TES: variants seen among roughly 807,000 people sequenced by gnomAD.
TES encodes the protein testin LIM domain protein.
TES carries 41 observed loss-of-function variants against 48.2 expected under a neutral mutation model. The observed-to-expected ratio is 0.85, with a 90% CI of 0.66 to 1.10. The LOEUF (loss-of-function observed/expected upper bound fraction) is 1.10. TES is among the 50% of genes least tolerant of loss of function. The pLI, the probability that TES is intolerant of heterozygous loss-of-function variation, is 0.00. For missense variants in TES, 463 were observed against 515.1 expected (o/e 0.90, Z 0.98); for synonymous variants, 162 against 174.9 (o/e 0.93, Z 0.58).
intron 2 of TES, among the ~76,000 whole-genome samples, chr7:116,237,576 A>G (rs1799788088): frequency 6.6e-6 from 1 of 151,808 alleles, no homozygotes. Context: ...GGAAAACCCT[A>G]CCTCCCACCA....
At chr7:116,248,879 A>C in intron 2 of TES, 141 bp from the exon 3 acceptor site, 2 of 775,944 alleles carry the variant, frequency 2.6e-6, no homozygotes, top group Non-Finnish European at 3.9e-6. Flanking sequence ...ATGGATACTT[A>C]TTCTCCCTCC....
At chr7:116,234,708 C>A in intron 2 of TES, 89 bp downstream of exon 2, 2 of 1,071,448 alleles carry the variant, frequency 1.9e-6, no homozygotes, top group Non-Finnish European at 2.9e-6. Flanking sequence ...AGTTCTCCAG[C>A]ATGGTTGCTA....
Position 116,210,595 on chromosome 7 carries a change from G to T in TES, c.-113G>T, listed in dbSNP as rs1034679438. ...GGCGCCGGGCGAGTGGCTGTTGAGC[G>T]GCGCCGCGGGAGTTCCGCAGGTTTC... On this transcript the variant is annotated 5_prime_UTR_variant, in exon 1 of 7. Coordinates refer to ENST00000358204, the MANE Select transcript of TES (RefSeq NM_015641.4). 4.6e-5 allele frequency: 54 copies of T among 1,165,026 alleles called. No homozygotes were observed. Among genetic ancestry groups the T allele is most frequent in the Non-Finnish European group, 5.5e-5 (50 of 908,654 alleles). The allele number at this position is 1,165,026 out of a possible 1,614,324, so 72.2% of individuals were successfully genotyped here. A position where few individuals can be genotyped will look rare whatever the true frequency, so the allele number is the denominator to read the frequency against.
chr7:116,216,662 T>C (rs149748891), intron 1 of TES, among the ~76,000 whole-genome samples: 1 of 152,292 alleles, frequency 6.6e-6, no homozygotes, highest in African/African-American at 2.4e-5. Flanking sequence ...GAAGAACCTA[T>C]AGATTGAACC....
intron 6 of TES, among the ~76,000 whole-genome samples, chr7:116,254,803 C>T (rs1800073498): frequency 7.3e-6 from 1 of 136,440 alleles, no homozygotes; most frequent in South Asian, 2.5e-4. Context: ...TGTGTAGCAT[C>T]ATTTCTTTTA....
chr7:116,254,655 G>C (rs1800067851), intron 6 of TES, among the ~76,000 whole-genome samples: 2 of 152,026 alleles, frequency 1.3e-5, no homozygotes, highest in African/African-American at 4.8e-5. Flanking sequence ...AGAATTGCTT[G>C]AACCTGGGAG....
Position 116,257,336 on chromosome 7 carries a change from C to T in TES, c.1120C>T (p.Arg374Trp), listed in dbSNP as rs199896685. The stretch of plus-strand genomic sequence containing the variant: ...CAATGCCATCGACCCAGAAGTGCAG[C>T]GGGTGACCTATAACAATTTCAGCTG... Reference protein sequence around the residue: ...CHNAIDPEVQRVTYNNFSWHA... With the variant: ...CHNAIDPEVQWVTYNNFSWHA... Residue 374 changes from arginine to tryptophan, a missense_variant, in exon 7 of 7, where the codon CGG (arginine) becomes TGG (tryptophan). By Grantham distance (101) the Arg-to-Trp change is moderately radical. Transcript: ENST00000358204. 1.3e-5 allele frequency: 21 copies of T among 1,613,742 alleles called. No individual in the cohort carries two copies. The Admixed American group carries it at 2.0e-4, about 15-fold the overall frequency.
At chr7:116,232,142 T>C (rs1799708417) in intron 1 of TES, among the ~76,000 whole-genome samples, 1 of 152,186 alleles carries the variant, frequency 6.6e-6, no homozygotes, top group Non-Finnish European at 1.5e-5. Flanking sequence ...TGTTCCAGGA[T>C]GTTTGCAGTC....
chr7:116,234,184 A>C (rs1033060832), intron 1 of TES, among the ~76,000 whole-genome samples: 2 of 152,110 alleles, frequency 1.3e-5, no homozygotes, highest in Admixed American at 6.5e-5. Context: ...TTTTTAAGGT[A>C]TAGTTTTCTG....
chr7:116,251,737 G>A, intron 4 of TES, 23 bp from the exon 5 acceptor site: 2 of 1,597,434 alleles, frequency 1.3e-6, no homozygotes, highest in Admixed American at 1.7e-5. Context: ...TGACTAGGTT[G>A]TTCTGGATGG....
intron 1 of TES, among the ~76,000 whole-genome samples, chr7:116,223,937 C>T (rs1799588711): frequency 6.6e-6 from 1 of 152,234 alleles, no homozygotes; most frequent in South Asian, 2.1e-4. Flanking sequence ...TACTAGTAGT[C>T]ACACCCTTAC....
At chr7:116,223,543 G>C (rs1293830023) in intron 1 of TES, among the ~76,000 whole-genome samples, 1 of 152,098 alleles carries the variant, frequency 6.6e-6, no homozygotes, top group Non-Finnish European at 1.5e-5. Context: ...TAACACAAGT[G>C]TGTGTGTATG....
At chr7:116,211,386 A>G (rs1321749862) in intron 1 of TES, 1 of 152,230 alleles carries the variant, frequency 6.6e-6, no homozygotes, top group East Asian at 1.9e-4. Flanking sequence ...AGGTAGTCCC[A>G]AAGGGCGGTT....
chr7:116,218,220 G>A (rs1199991405), intron 1 of TES, among the ~76,000 whole-genome samples: 2 of 152,094 alleles, frequency 1.3e-5, no homozygotes, highest in African/African-American at 4.8e-5. Context: ...GTTTATCATT[G>A]TGACATTCTG....
At chr7:116,251,733 GGTT>G in intron 4 of TES, 24 bp from the exon 5 acceptor site, 1 of 1,594,426 alleles carries the variant, frequency 6.3e-7, no homozygotes, top group Non-Finnish European at 8.6e-7. Context: ...CTAATGACTA[GGTT>G]GTTCTGGATG....
intron 3 of TES, chr7:116,249,866 A>C (rs1057074307): frequency 8.1e-6 from 2 of 245,432 alleles, no homozygotes; most frequent in African/African-American, 2.2e-5. Context: ...CTAAAAGTTT[A>C]TGTTTTCTTT....
At position 116,220,225 on chromosome 7, in the gene TES, G is replaced by A. The variant is rs543530302; in HGVS notation, c.27+9491G>A. Among the ~76,000 whole-genome samples the A allele has an allele frequency of 2.6e-5, 4 of 152,236 alleles. No homozygotes were observed. In the East Asian group the frequency reaches 7.7e-4, roughly 29 times the overall value. On this transcript the variant is annotated intron_variant, in intron 1 of 6. Transcript: ENST00000358204. ...CCAAGATAATTGGCAGAATTTAAAG[G>A]TAAAAAGAGGCAAGACAGATTTCAG...
At chr7:116,216,084 A>T (rs1441270877) in intron 1 of TES, among the ~76,000 whole-genome samples, 4 of 152,156 alleles carry the variant, frequency 2.6e-5, no homozygotes, top group Non-Finnish European at 5.9e-5. Flanking sequence ...ATCATAGACC[A>T]TCAGTGTGCA....
chr7:116,246,473 T>A (rs1434237503), intron 2 of TES, among the ~76,000 whole-genome samples: 4 of 152,246 alleles, frequency 2.6e-5, no homozygotes, highest in Admixed American at 2.0e-4. Context: ...GCTTCCTGAT[T>A]GCTCTTATGA....
Sources: allele counts gnomAD v4.1 joint callset (sites outside exome capture counted in the v4.1 genomes callset), GRCh38; gene constraint gnomAD v4.1.1; transcripts MANE v1.5; gene names NCBI Gene and HGNC (gene_info 2026-07-23, HGNC 2026-07-21).